PRKCE: variants seen among roughly 807,000 people sequenced by gnomAD.
PRKCE encodes protein kinase C epsilon type.
A neutral mutation model predicts 85.4 loss-of-function variants in PRKCE; 16 were observed. That is an observed-to-expected ratio of 0.19 (90% CI 0.13 to 0.28). The LOEUF (loss-of-function observed/expected upper bound fraction) is 0.28. Among genes scored for constraint, PRKCE ranks in the 10% least tolerant of loss-of-function variants. The pLI, the probability that PRKCE is intolerant of heterozygous loss-of-function variation, is 1.00. For missense variants in PRKCE, 573 were observed against 975.2 expected, an observed-to-expected ratio of 0.59 and a Z score of 5.49; for synonymous variants, 388 against 371.5, an observed-to-expected ratio of 1.04 and a Z score of -0.51.
In PRKCE at chr2:45,733,927, G is replaced by A. The variant is rs985063140; in HGVS notation, c.348+81479G>A. On this transcript the variant is annotated intron_variant, in intron 1 of 14. Transcript: ENST00000306156. Reference sequence around the variant, plus strand: ...TGCACATGGCATTCATTGTGTAGCAGTTTCATGGGGTGGTCTTAGCTTCAA... The same window carrying A: ...TGCACATGGCATTCATTGTGTAGCAATTTCATGGGGTGGTCTTAGCTTCAA... Among the ~76,000 whole-genome samples, 7 of 152,204 alleles carry A rather than the reference G, an allele frequency of 4.6e-5. 1 individual carries two copies. The highest frequency in any genetic ancestry group is 4.1e-4 in the South Asian group (2 of 4,826).
chr2:45,724,576 C>T (rs955744668), intron 1 of PRKCE, among the ~76,000 whole-genome samples: 1 of 152,214 alleles, frequency 6.6e-6, no homozygotes, highest in Non-Finnish European at 1.5e-5. Context: ...AGCTAGGCCT[C>T]TTGCACCAGA....
chr2:45,838,083 C>G (rs1410512998), intron 1 of PRKCE, among the ~76,000 whole-genome samples: 1 of 152,202 alleles, frequency 6.6e-6, no homozygotes, highest in Non-Finnish European at 1.5e-5. Context: ...GAGGCACTCT[C>G]ATTGCTGCCC....
intron 1 of PRKCE, among the ~76,000 whole-genome samples, chr2:45,827,706 A>T (rs1215691474): frequency 6.6e-6 from 1 of 152,216 alleles, no homozygotes; most frequent in Non-Finnish European, 1.5e-5. Context: ...TATCCCAGAA[A>T]ACAGAAAATC....
chr2:46,044,528 G>A (rs1708403470), intron 10 of PRKCE, among the ~76,000 whole-genome samples: 1 of 152,140 alleles, frequency 6.6e-6, no homozygotes, highest in Non-Finnish European at 1.5e-5. Context: ...TTTGCACTGT[G>A]CTCAGATTTC....
intron 2 of PRKCE, among the ~76,000 whole-genome samples, chr2:45,863,205 G>T (rs546498312): frequency 3.3e-5 from 5 of 152,220 alleles, no homozygotes; most frequent in Admixed American, 2.6e-4. Flanking sequence ...ACTGTCTAGG[G>T]TCTAGGATAC....
intron 1 of PRKCE, among the ~76,000 whole-genome samples, chr2:45,819,648 T>C (rs1180946986): frequency 2.0e-5 from 3 of 152,078 alleles, no homozygotes; most frequent in African/African-American, 7.2e-5. Flanking sequence ...AGATGGGATG[T>C]GGGAGGTGAA....
At chr2:45,814,720 G>A (rs1200055832) in intron 1 of PRKCE, among the ~76,000 whole-genome samples, 1 of 152,144 alleles carries the variant, frequency 6.6e-6, no homozygotes. Context: ...CAGGTTGGGT[G>A]CCAAGAATAT....
chr2:45,757,973 ATGAC>A (rs896469095), intron 1 of PRKCE, among the ~76,000 whole-genome samples: 82 of 152,340 alleles, frequency 5.4e-4, no homozygotes, highest in African/African-American at 1.9e-3. Context: ...AGTGACTTCA[ATGAC>A]TGGGGACAAT....
intron 1 of PRKCE, among the ~76,000 whole-genome samples, chr2:45,673,018 G>C (rs1676251321): frequency 6.6e-6 from 1 of 152,178 alleles, no homozygotes; most frequent in South Asian, 2.1e-4. Context: ...CAGAGCAACA[G>C]AGCAAGTCCC....
At chr2:46,097,346 G>A (rs1012737502) in intron 11 of PRKCE, among the ~76,000 whole-genome samples, 19 of 150,918 alleles carry the variant, frequency 1.3e-4, no homozygotes, top group African/African-American at 4.6e-4. Context: ...GGGAAACCCC[G>A]TCTCTACTAA....
At chr2:46,175,658 C>T (rs1451142406) in intron 14 of PRKCE, among the ~76,000 whole-genome samples, 2 of 152,214 alleles carry the variant, frequency 1.3e-5, no homozygotes, top group Admixed American at 6.5e-5. Context: ...AAGGCTAAGC[C>T]ACTAAGCTAC....
intron 1 of PRKCE, among the ~76,000 whole-genome samples, chr2:45,748,676 C>T (rs557305569): frequency 1.3e-5 from 2 of 152,262 alleles, no homozygotes; most frequent in South Asian, 4.1e-4. Context: ...TGGTCACACA[C>T]ATCAGTCACT....
intron 1 of PRKCE, among the ~76,000 whole-genome samples, chr2:45,708,197 G>A (rs1220148210): frequency 7.5e-6 from 1 of 132,858 alleles, no homozygotes; most frequent in Non-Finnish European, 1.6e-5. Context: ...TTGCTAAGCT[G>A]GGGCTCCAGT....
chr2:46,134,730 G>T (rs184172085), intron 11 of PRKCE, among the ~76,000 whole-genome samples: 2 of 152,204 alleles, frequency 1.3e-5, no homozygotes, highest in Non-Finnish European at 2.9e-5. Context: ...ACTTGCTTGT[G>T]GTCACTCTGT....
At chr2:45,968,548 G>A (rs1238469062) in intron 2 of PRKCE, among the ~76,000 whole-genome samples, 1 of 152,178 alleles carries the variant, frequency 6.6e-6, no homozygotes. Flanking sequence ...TCAGGTGACA[G>A]GTACACTAAA....
chr2:45,928,907 TG>T (rs1177466676), intron 2 of PRKCE, among the ~76,000 whole-genome samples: 5 of 152,334 alleles, frequency 3.3e-5, no homozygotes, highest in South Asian at 4.1e-4. Context: ...GCTGGGAGTC[TG>T]GGGGCCCCTC....
intron 11 of PRKCE, among the ~76,000 whole-genome samples, chr2:46,089,928 C>T (rs980177451): frequency 6.6e-6 from 1 of 152,150 alleles, no homozygotes; most frequent in Non-Finnish European, 1.5e-5. Context: ...CTAGGATTCC[C>T]TTGCTCCTAA....
chr2:46,017,618 A>C (rs1320255249), intron 10 of PRKCE, among the ~76,000 whole-genome samples: 1 of 152,202 alleles, frequency 6.6e-6, no homozygotes, highest in Admixed American at 6.5e-5. Flanking sequence ...TTTTTTGAGG[A>C]ACCGCTATAC....
intron 10 of PRKCE, among the ~76,000 whole-genome samples, chr2:46,079,605 C>T (rs936494877): frequency 1.1e-4 from 16 of 152,238 alleles, no homozygotes; most frequent in Admixed American, 1.0e-3. Context: ...CTGTCACCAG[C>T]ATATCAAGTA....
Sources: allele counts gnomAD v4.1 joint callset (sites outside exome capture counted in the v4.1 genomes callset), GRCh38; gene constraint gnomAD v4.1.1; transcripts MANE v1.5; gene names NCBI Gene and HGNC (gene_info 2026-07-23, HGNC 2026-07-21).